Variants in ADAM32 observed in about 807,000 individuals in gnomAD.
ADAM32 encodes the protein ADAM metallopeptidase domain 32, also known as disintegrin and metalloproteinase domain-containing protein 32.
A neutral mutation model predicts 114.9 loss-of-function variants in ADAM32; 89 were observed. The observed-to-expected ratio is 0.77, with a 90% CI of 0.65 to 0.92. The LOEUF is 0.92. Ranked by LOEUF, ADAM32 falls within the 40% of genes least tolerant of loss-of-function variation. The pLI, the probability that ADAM32 is intolerant of heterozygous loss-of-function variation, is 0.00. For synonymous variants in ADAM32, 285 were observed against 307.5 expected (o/e 0.93, Z 0.77); for missense variants, 870 against 932.8 (o/e 0.93, Z 0.88).
At chr8:39,127,419 G>A (rs1223544162) in intron 2 of ADAM32, among the ~76,000 whole-genome samples, 2 of 152,090 alleles carry the variant, frequency 1.3e-5, no homozygotes, top group Non-Finnish European at 2.9e-5. Flanking sequence ...GGGTGTATGT[G>A]GCCAGGAGTT....
intron 11 of ADAM32, among the ~76,000 whole-genome samples, chr8:39,207,861 A>C (rs1233887482): frequency 1.3e-5 from 2 of 152,156 alleles, no homozygotes; most frequent in East Asian, 3.8e-4. Flanking sequence ...CACTTAACAT[A>C]ATGTCCTCCT....
intron 3 of ADAM32, among the ~76,000 whole-genome samples, chr8:39,139,036 T>C (rs1157906444): frequency 6.6e-6 from 1 of 152,258 alleles, no homozygotes; most frequent in East Asian, 1.9e-4. Context: ...CTTTTTTTCT[T>C]TTAAATTTGT....
At position 39,150,150 on chromosome 8, in the gene ADAM32, A is replaced by G. The variant is rs75922622; in HGVS notation, c.353+283A>G. Among the ~76,000 whole-genome samples the G allele has an allele frequency of 5.4e-3, 816 of 152,234 alleles. 18 individuals carry two copies. The highest frequency in any genetic ancestry group is 0.019 in the African/African-American group (784 of 41,560). ...AAGACAATTGAACATGTTTGACTACAAGTGTTTTAGGAGCTAAGTTTAGGA... is the reference window on the plus strand; with the variant it reads ...AAGACAATTGAACATGTTTGACTACGAGTGTTTTAGGAGCTAAGTTTAGGA... On this transcript the variant is annotated intron_variant, in intron 5 of 24. Transcript: ENST00000379907.
At chr8:39,174,471 T>A (rs1206843911) in intron 10 of ADAM32, among the ~76,000 whole-genome samples, 2 of 152,084 alleles carry the variant, frequency 1.3e-5, no homozygotes, top group Non-Finnish European at 2.9e-5. Flanking sequence ...CATATGATTT[T>A]TTTTTTGCCT....
intron 11 of ADAM32, among the ~76,000 whole-genome samples, chr8:39,198,404 G>T (rs966413455): frequency 6.6e-5 from 10 of 151,764 alleles, no homozygotes; most frequent in African/African-American, 2.4e-4. Context: ...TTTAGGCAGG[G>T]TCTCACTTTG....
chr8:39,128,339 A>T (rs1802241208), intron 2 of ADAM32, among the ~76,000 whole-genome samples: 1 of 152,036 alleles, frequency 6.6e-6, no homozygotes, highest in African/African-American at 2.4e-5. Context: ...CTAGGTTTGT[A>T]ACCTCTGCTC....
intron 2 of ADAM32, among the ~76,000 whole-genome samples, chr8:39,131,320 C>T (rs570799706): frequency 3.9e-5 from 6 of 152,004 alleles, no homozygotes; most frequent in African/African-American, 1.2e-4. Flanking sequence ...TCTCATCTCT[C>T]CAAAAAATAA....
At chr8:39,216,082 A>C (rs1286456610) in intron 12 of ADAM32, among the ~76,000 whole-genome samples, 1 of 152,008 alleles carries the variant, frequency 6.6e-6, no homozygotes, top group Non-Finnish European at 1.5e-5. Flanking sequence ...TGGGTGCTCC[A>C]GTGTTGGGTG....
chr8:39,240,854 G>T (rs982052324), intron 16 of ADAM32, among the ~76,000 whole-genome samples: 13 of 152,120 alleles, frequency 8.5e-5, no homozygotes, highest in Admixed American at 3.9e-4. Context: ...CAAATCTCAT[G>T]TCCTCACATT....
At chr8:39,201,371 T>C (rs1807391439) in intron 11 of ADAM32, among the ~76,000 whole-genome samples, 1 of 152,020 alleles carries the variant, frequency 6.6e-6, no homozygotes. Context: ...TCCTAGGCAT[T>C]TTATTCTCTT....
At chr8:39,201,594 C>G (rs1223632378) in intron 11 of ADAM32, among the ~76,000 whole-genome samples, 1 of 152,170 alleles carries the variant, frequency 6.6e-6, no homozygotes, top group Admixed American at 6.5e-5. Flanking sequence ...TTGACTTCCT[C>G]TTTTCCTAAT....
At position 39,136,708 on chromosome 8, in the gene ADAM32, C is replaced by A; in HGVS notation, c.190C>A (p.Leu64Ile). The change falls in exon 3 of 25, where the codon CTT (leucine) becomes ATT (isoleucine). Residue 64 changes from leucine to isoleucine, a missense_variant. Physicochemically the swap from Leu to Ile is conservative, Grantham distance 5 (BLOSUM62 2). Coordinates refer to ENST00000379907, the MANE Select transcript of ADAM32 (RefSeq NM_145004.7). ...PIDEKLYTVH[L>I]KQRYFLADNF... ...AGATGAGAAACTGTACACTGTGCAC[C>A]TTAAACAAAGGTAAATTTTTATTCT... 6.6e-7 allele frequency: 1 copy of A among 1,519,756 alleles called. No homozygotes were observed. The highest frequency in any genetic ancestry group is 8.9e-7 in the Non-Finnish European group (1 of 1,127,072). 94.1% of individuals were successfully genotyped at this position (1,519,756 alleles called of 1,614,324 possible).
intron 6 of ADAM32, among the ~76,000 whole-genome samples, chr8:39,152,484 G>T (rs559665891): frequency 6.6e-6 from 1 of 152,154 alleles, no homozygotes; most frequent in South Asian, 2.1e-4. Context: ...CACTTTGGGA[G>T]CCCAAGTTGG....
chr8:39,196,693 C>T (rs907340337), intron 11 of ADAM32, among the ~76,000 whole-genome samples: 4 of 151,974 alleles, frequency 2.6e-5, no homozygotes, highest in African/African-American at 7.2e-5. Context: ...CATACTTGAT[C>T]ATTATATAAT....
chr8:39,244,292 A>G (rs1810752931), intron 16 of ADAM32, among the ~76,000 whole-genome samples: 1 of 152,224 alleles, frequency 6.6e-6, no homozygotes, highest in Admixed American at 6.5e-5. Flanking sequence ...GGAACCAAAA[A>G]AGAGCTGCAT....
At chr8:39,189,916 G>A (rs776309454) in intron 11 of ADAM32, among the ~76,000 whole-genome samples, 1 of 152,048 alleles carries the variant, frequency 6.6e-6, no homozygotes, top group Non-Finnish European at 1.5e-5. Context: ...CTGGGTGCAC[G>A]CCATTCTCCT....
chr8:39,269,683 T>A (rs1812586981), intron 19 of ADAM32, among the ~76,000 whole-genome samples: 2 of 152,330 alleles, frequency 1.3e-5, no homozygotes, highest in South Asian at 4.1e-4. Flanking sequence ...TAGTGTAGTG[T>A]TGACATTAAC....
chr8:39,187,697 A>T (rs1208865099), intron 11 of ADAM32, among the ~76,000 whole-genome samples: 4 of 152,158 alleles, frequency 2.6e-5, no homozygotes. Flanking sequence ...AAGAGTAAGA[A>T]GTCCTAGTTG....
chr8:39,187,170 A>G, intron 11 of ADAM32, 125 bp downstream of exon 11: 1 of 794,802 alleles, frequency 1.3e-6, no homozygotes, highest in Non-Finnish European at 1.9e-6. Context: ...AAGTATAAAC[A>G]TGTAATTTTA....
Sources: gnomAD v4.1 joint callset for allele counts (sites outside exome capture counted in the v4.1 genomes callset) on GRCh38, gnomAD v4.1.1 for gene constraint, MANE v1.5 for transcripts, NCBI Gene and HGNC (gene_info 2026-07-23, HGNC 2026-07-21) for gene names.